ZNF529: variants seen among roughly 807,000 people sequenced by gnomAD.
ZNF529 encodes the protein zinc finger protein 529.
ZNF529 carries 11 observed loss-of-function variants against 10.1 expected under a neutral mutation model. The observed-to-expected ratio is 1.09, with a 90% CI of 0.69 to 1.81. ZNF529 has a LOEUF of 1.81. Ranked by LOEUF, ZNF529 falls within the 40% of genes most tolerant of loss-of-function variation. The pLI is 0.00. For synonymous variants in ZNF529, 204 were observed against 215.7 expected (o/e 0.95, Z 0.47); for missense variants, 624 against 666.8 (o/e 0.94, Z 0.71).
At chr19:36,554,866 T>C (rs755176153) in intron 3 of ZNF529, 70 bp from the exon 4 acceptor site, 5 of 1,393,832 alleles carry the variant, frequency 3.6e-6, no homozygotes, top group East Asian at 2.7e-5. Context: ...ACAAGAGGAA[T>C]TGCCTTATAG....
At chr19:36,568,430 TTGAGGTA>T (rs1568598391) in intron 2 of ZNF529, among the ~76,000 whole-genome samples, 1 of 151,094 alleles carries the variant, frequency 6.6e-6, no homozygotes, top group Non-Finnish European at 1.5e-5. Context: ...TGTGGGCTCC[TTGAGGTA>T]CTGAGGTACT....
At chr19:36,579,584 T>C (rs564844290) in intron 2 of ZNF529, among the ~76,000 whole-genome samples, 5 of 152,354 alleles carry the variant, frequency 3.3e-5, no homozygotes, top group African/African-American at 1.2e-4. Context: ...GCATATAGCA[T>C]ACCTGTATTG....
intron 2 of ZNF529, 74 bp from the exon 3 acceptor site, chr19:36,556,271 T>C: frequency 1.4e-6 from 1 of 707,916 alleles, no homozygotes; most frequent in Non-Finnish European, 2.6e-6. Flanking sequence ...GTACAGCAAA[T>C]GAAGAAACAT....
At chr19:36,570,719 G>A (rs935723328) in intron 2 of ZNF529, among the ~76,000 whole-genome samples, 1 of 152,064 alleles carries the variant, frequency 6.6e-6, no homozygotes. Context: ...TTGCAAATCT[G>A]GCTTTTAAAA....
intron 2 of ZNF529, among the ~76,000 whole-genome samples, chr19:36,559,427 G>A (rs527512770): frequency 3.3e-4 from 50 of 152,312 alleles, no homozygotes; most frequent in African/African-American, 1.2e-3. Flanking sequence ...TCCTGTCTCA[G>A]CCTCCTGAGT....
At chr19:36,570,920 A>G (rs73034142) in intron 2 of ZNF529, among the ~76,000 whole-genome samples, 23,680 of 152,162 alleles carry the variant, frequency 0.16, 2,311 homozygotes, top group Non-Finnish European at 0.22. Context: ...CAGGCCTCAT[A>G]AAGACCCTAA....
In ZNF529 at chr19:36,546,924, A is replaced by C. The variant is rs372576892; in HGVS notation, c.1634T>G (p.Val545Gly). Residue 545 changes from valine to glycine, a missense_variant, in exon 5 of 5, where the codon GTT becomes GGT. By Grantham distance (109) the Val-to-Gly change is moderately radical. Transcript: ENST00000591340. ...CGGTTGGCAAGTAAGATGCCCAACA[A>C]CACTAAAGGAATTCCCACACTCCTT... The part of the protein sequence containing the change: ...ECKECGNSFS[V>G]VGHLTCQPKI... 59 of 1,613,650 alleles carry C rather than the reference A, an allele frequency of 3.7e-5. No individual in the cohort carries two copies. Among genetic ancestry groups the C allele is most frequent in the African/African-American group, 3.2e-4 (24 of 75,056 alleles).
rs2034982350 is a variant in ZNF529 at position 36,545,650 on chromosome 19, C to T, written c.*1216G>A. 6.6e-6 allele frequency: 1 copy of T among 151,984 alleles called. No homozygotes were observed. Among genetic ancestry groups the T allele is most frequent in the Admixed American group, 6.6e-5 (1 of 15,242 alleles). The allele number at this position is 151,984 out of a possible 1,614,324, so 9.4% of individuals were successfully genotyped here. ...TGAGATTAGTTAAACCAAAGAAGGT[C>T]TGCTGATTGTTGAAATGCCCAAACC... is the stretch of plus-strand genomic sequence containing the variant. On this transcript the variant is annotated 3_prime_UTR_variant, in exon 5 of 5. Transcript: ENST00000591340.
At chr19:36,564,442 G>C (rs1305685892) in intron 2 of ZNF529, among the ~76,000 whole-genome samples, 7 of 152,178 alleles carry the variant, frequency 4.6e-5, no homozygotes, top group Non-Finnish European at 1.0e-4. Context: ...TAAAGGATAT[G>C]AACAGACCCT....
intron 2 of ZNF529, chr19:36,580,112 T>C (rs1292721545): frequency 6.6e-6 from 1 of 152,184 alleles, no homozygotes; most frequent in African/African-American, 2.4e-5. Flanking sequence ...GTCTAGAGTA[T>C]CAATATGTCT....
At chr19:36,584,413 A>G (rs2036534520) in intron 2 of ZNF529, among the ~76,000 whole-genome samples, 1 of 152,174 alleles carries the variant, frequency 6.6e-6, no homozygotes, top group African/African-American at 2.4e-5. Context: ...TCTGTTTACT[A>G]AGTAATGATG....
intron 2 of ZNF529, among the ~76,000 whole-genome samples, chr19:36,584,429 T>A (rs971620858): frequency 2.0e-5 from 3 of 152,118 alleles, no homozygotes; most frequent in Non-Finnish European, 4.4e-5. Context: ...TGATGATTAC[T>A]TTTTACGGAA....
At chr19:36,603,392 A>G (rs1204962989) in intron 1 of ZNF529, among the ~76,000 whole-genome samples, 1 of 152,220 alleles carries the variant, frequency 6.6e-6, no homozygotes, top group East Asian at 1.9e-4. Flanking sequence ...TGTCATCAGT[A>G]ACTGGGAAGA....
chr19:36,547,154 AT>A lies in ZNF529; in HGVS notation c.1403del (p.His468LeufsTer101). 1 of 1,613,008 alleles carries A rather than the reference AT, an allele frequency of 6.2e-7. No individual in the cohort carries two copies. The highest frequency in any genetic ancestry group is 8.5e-7 in the Non-Finnish European group (1 of 1,179,378). Reference protein sequence around the residue: ...FFRLTSALIQHQRIHSGEKPY... With the variant: ...FFRLTSALIQXQRIHSGEKPY... ...GTTTCTCACCACTATGAATTCTTTG[AT>A]GTTGAATAAGGGCTGACGTAAGTCT... On this transcript the variant is annotated frameshift_variant, in exon 5 of 5. Coordinates refer to ENST00000591340, the MANE Select transcript of ZNF529 (RefSeq NM_020951.5). LOFTEE classifies it low-confidence loss of function (END_TRUNC).
At chr19:36,578,557 A>C (rs1320954561) in intron 2 of ZNF529, among the ~76,000 whole-genome samples, 1 of 151,214 alleles carries the variant, frequency 6.6e-6, no homozygotes, top group African/African-American at 2.4e-5. Flanking sequence ...CCCCCGCCTC[A>C]GCCTCCAAAA....
chr19:36,588,772 C>G lies in ZNF529; in HGVS notation c.-41+843G>C, dbSNP rs73931630. On this transcript the variant is annotated intron_variant, in intron 2 of 4. Coordinates refer to the ZNF529 transcript ENST00000585960. ...AACTTTCTCTGAAGTCTTGCCTATT[C>G]TGTGCCTCCAACAATATGCCCCTTC... Among the ~76,000 whole-genome samples the G allele has an allele frequency of 7.1e-3, 1,074 of 152,270 alleles. 10 individuals are homozygous for G. Among genetic ancestry groups the G allele is most frequent in the African/African-American group, 0.024 (981 of 41,536 alleles).
At chr19:36,594,053 C>T (rs926215257) in intron 1 of ZNF529, 3 of 152,184 alleles carry the variant, frequency 2.0e-5, no homozygotes, top group African/African-American at 7.2e-5. Flanking sequence ...GTTTCTGGCC[C>T]ATCCCACACT....
chr19:36,575,107 C>T (rs1473422671), upstream of ZNF529, among the ~76,000 whole-genome samples: 1 of 152,146 alleles, frequency 6.6e-6, no homozygotes, highest in East Asian at 1.9e-4. Flanking sequence ...GGTAAGATCA[C>T]AGGAAACTGA....
chr19:36,589,662 G>C (rs2036661484), exon 2 of ZNF529: 1 of 151,684 alleles, frequency 6.6e-6, no homozygotes, highest in African/African-American at 2.4e-5. Context: ...CAGCCTTACT[G>C]TAGTCCTGGT....
Sources: gnomAD v4.1 joint callset for allele counts (sites outside exome capture counted in the v4.1 genomes callset) on GRCh38, gnomAD v4.1.1 for gene constraint, MANE v1.5 for transcripts, NCBI Gene and HGNC (gene_info 2026-07-23, HGNC 2026-07-21) for gene names.